The following CFAP299 variants were observed in gnomAD, a reference collection of about 807,000 sequenced individuals.
CFAP299 encodes cilia- and flagella-associated protein 299.
A neutral mutation model predicts 27.0 loss-of-function variants in CFAP299; 21 were observed. The observed-to-expected ratio is 0.78, with a 90% CI of 0.55 to 1.12. The LOEUF (loss-of-function observed/expected upper bound fraction) is 1.12, where lower values mean the gene tolerates loss of function less well. CFAP299 is among the 50% of genes most tolerant of loss of function. CFAP299 has a pLI of 0.00. For synonymous variants in CFAP299, 104 were observed against 98.1 expected (o/e 1.06, Z -0.36); for missense variants, 310 against 276.6 (o/e 1.12, Z -0.86).
chr4:80,860,421 C>T (rs188623153), intron 3 of CFAP299, among the ~76,000 whole-genome samples: 4 of 152,328 alleles, frequency 2.6e-5, no homozygotes, highest in African/African-American at 9.6e-5. Context: ...CAAAGTCATT[C>T]TCTGTCCAGC....
At chr4:80,953,491 C>T (rs778144676) in intron 5 of CFAP299, among the ~76,000 whole-genome samples, 3 of 152,170 alleles carry the variant, frequency 2.0e-5, no homozygotes, top group Admixed American at 6.5e-5. Context: ...CAACTAACTA[C>T]TGCTAAAATC....
Position 80,805,267 on chromosome 4 carries a change from A to G in CFAP299, c.334-64726A>G, listed in dbSNP as rs191801522. ...TGAGAGAGATAAAAGTCACTTCTAC[A>G]AATTTTCACTATATTCTTTGTAACT... On this transcript the variant is annotated intron_variant, in intron 3 of 5. Coordinates refer to ENST00000358105, the MANE Select transcript of CFAP299 (RefSeq NM_152770.3). Among the ~76,000 whole-genome samples, 192 of 152,216 alleles carry G rather than the reference A, an allele frequency of 1.3e-3. 1 individual carries two copies. Among genetic ancestry groups the G allele is most frequent in the African/African-American group, 4.3e-3 (177 of 41,564 alleles).
At chr4:80,392,957 A>G (rs1183933846) in intron 2 of CFAP299, among the ~76,000 whole-genome samples, 1 of 152,132 alleles carries the variant, frequency 6.6e-6, no homozygotes, top group Non-Finnish European at 1.5e-5. Context: ...AATATTCCAG[A>G]AGAAGGTATT....
chr4:80,656,195 A>G (rs1172121840), intron 3 of CFAP299, among the ~76,000 whole-genome samples: 2 of 152,008 alleles, frequency 1.3e-5, no homozygotes, highest in Non-Finnish European at 2.9e-5. Context: ...AAAAAAGACT[A>G]TTATTATTAC....
intron 3 of CFAP299, among the ~76,000 whole-genome samples, chr4:80,830,110 G>C (rs764579795): frequency 1.3e-5 from 2 of 151,998 alleles, no homozygotes; most frequent in Non-Finnish European, 2.9e-5. Context: ...CAAAATGCAG[G>C]CACTAAAATG....
At chr4:80,504,898 A>G (rs982546456) in intron 2 of CFAP299, among the ~76,000 whole-genome samples, 2 of 148,296 alleles carry the variant, frequency 1.3e-5, no homozygotes, top group Non-Finnish European at 3.0e-5. Context: ...TATGTATCAT[A>G]TATATGATAT....
chr4:80,513,627 C>G (rs1732428767), intron 2 of CFAP299, among the ~76,000 whole-genome samples: 1 of 151,942 alleles, frequency 6.6e-6, no homozygotes, highest in Admixed American at 6.6e-5. Context: ...CAAAAGGGTC[C>G]CCTGAATGTA....
At chr4:80,923,755 A>T (rs770732071) in intron 4 of CFAP299, among the ~76,000 whole-genome samples, 17 of 152,012 alleles carry the variant, frequency 1.1e-4, no homozygotes, top group Non-Finnish European at 1.9e-4. Flanking sequence ...ACTCCTAGAA[A>T]TCATGGACCT....
At chr4:80,405,684 A>G (rs1307358059) in intron 2 of CFAP299, among the ~76,000 whole-genome samples, 1 of 152,068 alleles carries the variant, frequency 6.6e-6, no homozygotes, top group Non-Finnish European at 1.5e-5. Flanking sequence ...GTATATTAGT[A>G]TTTAAGCACA....
At chr4:80,852,676 G>T (rs1212285711) in intron 3 of CFAP299, among the ~76,000 whole-genome samples, 1 of 152,018 alleles carries the variant, frequency 6.6e-6, no homozygotes, top group African/African-American at 2.4e-5. Flanking sequence ...ATTTCTGAAG[G>T]GTTATCTAAG....
chr4:80,694,582 G>T (rs1720970458), intron 3 of CFAP299, among the ~76,000 whole-genome samples: 2 of 152,140 alleles, frequency 1.3e-5, no homozygotes, highest in African/African-American at 4.8e-5. Flanking sequence ...TAGTGTTTAT[G>T]AATTCAGTTG....
rs530986070 is a variant in CFAP299, at chr4:80,668,071, A to G, written c.333+84888A>G. On this transcript the variant is annotated intron_variant, in intron 3 of 5. Coordinates refer to ENST00000358105, the MANE Select transcript of CFAP299 (RefSeq NM_152770.3). ...TTTCATTCTCATTTCTCTGATTATTAGTGATGTTGAGCTTTTTATCTGTTG... is the reference window on the plus strand; with the variant it reads ...TTTCATTCTCATTTCTCTGATTATTGGTGATGTTGAGCTTTTTATCTGTTG... 2.6e-4 allele frequency among the ~76,000 whole-genome samples: 39 copies of G among 152,034 alleles called. No individual in the cohort carries two copies. In the South Asian group the frequency reaches 7.7e-3, roughly 30 times the overall value.
At chr4:80,870,814 G>A in intron 4 of CFAP299, 1 of 985,062 alleles carries the variant, frequency 1.0e-6, no homozygotes, top group Non-Finnish European at 1.2e-6. Context: ...ATTATTTGAT[G>A]ATTATAACAA....
chr4:80,399,168 G>C (rs896874269), intron 2 of CFAP299, among the ~76,000 whole-genome samples: 1 of 152,100 alleles, frequency 6.6e-6, no homozygotes, highest in Non-Finnish European at 1.5e-5. Context: ...TTAGAATGGC[G>C]ATCATTAAAA....
chr4:80,869,938 C>A, intron 3 of CFAP299, 55 bp from the exon 4 acceptor site: 5 of 1,507,604 alleles, frequency 3.3e-6, no homozygotes, highest in Non-Finnish European at 4.5e-6. Flanking sequence ...TATGGCATTC[C>A]ATAATAAATC....
intron 1 of CFAP299, among the ~76,000 whole-genome samples, chr4:80,356,347 A>G (rs1723280023): frequency 6.6e-6 from 1 of 152,130 alleles, no homozygotes; most frequent in South Asian, 2.1e-4. Flanking sequence ...TGTATTTTAA[A>G]ATAGTTTCTT....
intron 3 of CFAP299, among the ~76,000 whole-genome samples, chr4:80,713,608 C>T (rs74686702): frequency 0.072 from 10,886 of 152,238 alleles, 891 homozygotes; most frequent in African/African-American, 0.19. Context: ...TTTACATGCT[C>T]GAGTGCAACC....
intron 2 of CFAP299, among the ~76,000 whole-genome samples, chr4:80,374,029 C>G (rs947231224): frequency 6.6e-6 from 1 of 152,196 alleles, no homozygotes; most frequent in South Asian, 2.1e-4. Context: ...TCAAAAGTCT[C>G]TCTCTGAAAT....
At chr4:80,387,406 G>T in intron 2 of CFAP299, 3 of 1,013,818 alleles carry the variant, frequency 3.0e-6, no homozygotes, top group Non-Finnish European at 4.7e-6. Context: ...TGCTGAACTT[G>T]CTGGGGCAGA....
Sources: gnomAD v4.1 joint callset for allele counts (sites outside exome capture counted in the v4.1 genomes callset) on GRCh38, gnomAD v4.1.1 for gene constraint, MANE v1.5 for transcripts, NCBI Gene and HGNC (gene_info 2026-07-23, HGNC 2026-07-21) for gene names.